MLLT6: variants seen among roughly 807,000 people sequenced by gnomAD.
The protein encoded by MLLT6 is MLLT6, PHD finger containing.
Under a neutral mutation model 103.0 loss-of-function variants are expected in MLLT6, and 22 were observed. That is an observed-to-expected ratio of 0.21 (90% confidence interval 0.15 to 0.31). The LOEUF is 0.31. MLLT6 is among the 10% of genes least tolerant of loss of function. MLLT6 has a pLI of 1.00. For missense variants in MLLT6, 1,199 were observed against 1,441.7 expected (o/e 0.83, Z 2.73); for synonymous variants, 606 against 623.5 (o/e 0.97, Z 0.42).
intron 1 of MLLT6, chr17:38,706,661 A>G (rs375363556): frequency 1.5e-4 from 48 of 324,920 alleles, no homozygotes; most frequent in African/African-American, 9.1e-4. Flanking sequence ...TGGTCCGAGG[A>G]AGAAGCTGGG....
chr17:38,712,020 A>G lies in MLLT6; in HGVS notation c.720+6A>G, dbSNP rs766513093. 6.4e-7 allele frequency: 1 copy of G among 1,550,898 alleles called. No individual in the cohort carries two copies. The highest frequency in any genetic ancestry group is 8.7e-7 in the Non-Finnish European group (1 of 1,147,676). On this transcript the variant is annotated splice_donor_region_variant and intron_variant, in intron 7 of 19. Transcript: ENST00000621332. The stretch of plus-strand genomic sequence containing the variant: ...ACGAGAGGGGCCAGAAGAAGGTAGA[A>G]GTCCTCCCCCACCTGCCATCACTCC...
chr17:38,720,445 G>A lies in MLLT6; in HGVS notation c.2229G>A (p.Leu743=). ...NQRLQEQILS[L]TAKKERLQIL... ...GGCTGCAAGAGCAGATCCTGAGCCT[G>A]ACGGCCAAAAAGGAGCGGCTGCAGA... The change falls in exon 15 of 20, where the codon CTG becomes CTA. Residue 743 remains leucine, a synonymous_variant. Transcript: ENST00000621332. 3 of 1,612,958 alleles carry A rather than the reference G, an allele frequency of 1.9e-6. No individual in the cohort carries two copies. The South Asian group carries it at 3.3e-5, about 18-fold the overall frequency.
At chr17:38,723,481 G>A (rs570842606) in intron 18 of MLLT6, among the ~76,000 whole-genome samples, 2 of 152,078 alleles carry the variant, frequency 1.3e-5, no homozygotes, top group Non-Finnish European at 2.9e-5. Context: ...GACAGAATGA[G>A]ACCCTGTCTC....
intron 7 of MLLT6, 79 bp downstream of exon 7, chr17:38,712,093 G>A: frequency 6.9e-7 from 1 of 1,447,540 alleles, no homozygotes; most frequent in Non-Finnish European, 9.1e-7. Context: ...AAGCCATCAT[G>A]AGGTGCCCTT....
At chr17:38,707,967 C>G (rs747794946) in intron 4 of MLLT6, 95 bp downstream of exon 4, 2 of 849,230 alleles carry the variant, frequency 2.4e-6, no homozygotes, top group Non-Finnish European at 1.9e-6. Context: ...TTCTGTCCAA[C>G]GAGCACTGAA....
chr17:38,715,885 T>C, intron 9 of MLLT6, 57 bp downstream of exon 9: 22 of 1,457,668 alleles, frequency 1.5e-5, no homozygotes, highest in Middle Eastern at 1.7e-4. Context: ...TGTCCTGAGC[T>C]TTTCTGGCAA....
chr17:38,707,443 G>A (rs1429457428), intron 2 of MLLT6, 43 bp from the exon 3 acceptor site: 1 of 1,607,378 alleles, frequency 6.2e-7, no homozygotes, highest in Non-Finnish European at 8.5e-7. Context: ...GGAGGGTCCA[G>A]CTCAGCAGAT....
rs781724709 is a variant in MLLT6 at position 38,717,942 on chromosome 17, G to A, written c.1931G>A (p.Ser644Asn). 2 of 1,607,946 alleles carry A rather than the reference G, an allele frequency of 1.2e-6. No homozygotes were observed. The highest frequency in any genetic ancestry group is 1.7e-5 in the Admixed American group (1 of 59,958). The part of the protein sequence containing the change: ...AVNPLLSQAE[S>N]SHTEPDLEDC... Reference sequence around the variant, plus strand: ...AATCCCCTCCTCTCCCAAGCTGAGAGCAGCCACACAGGTATGTGAATATCT... The same window carrying A: ...AATCCCCTCCTCTCCCAAGCTGAGAACAGCCACACAGGTATGTGAATATCT... The change falls in exon 12 of 20, where the codon AGC becomes AAC. Residue 644 changes from serine to asparagine, a missense_variant. Coordinates refer to ENST00000621332, the MANE Select transcript of MLLT6 (RefSeq NM_005937.4).
Position 38,716,672 on chromosome 17 carries a change from C to T in MLLT6, c.1342C>T (p.Leu448=). 1.2e-6 allele frequency: 2 copies of T among 1,613,290 alleles called. No homozygotes were observed. Among genetic ancestry groups the T allele is most frequent in the Non-Finnish European group, 1.7e-6 (2 of 1,179,808 alleles). The stretch of plus-strand genomic sequence containing the variant: ...AGGCACCCACAAACGGATGCCCGCA[C>T]TGAGTGCCACCCCTGTGCCTGCTGA... ...SAGTHKRMPA[L]SATPVPADET... The change falls in exon 10 of 20, where the codon CTG becomes TTG. Residue 448 remains leucine (L), a synonymous_variant. Coordinates refer to ENST00000621332, the MANE Select transcript of MLLT6 (RefSeq NM_005937.4). The surrounding 1 kb of genome is among the most constrained non-coding windows in gnomAD (Gnocchi z 5.6).
In MLLT6 at chr17:38,728,326, T is replaced by G. The variant is rs1386232788; in HGVS notation, c.*2728T>G. ...CTCACCGTCTCCTAACCTCAGTCCC[T>G]TTTTTGAGAGTGAATGGTGGAGGGT... is the stretch of plus-strand genomic sequence containing the variant. On this transcript the variant is annotated 3_prime_UTR_variant, in exon 20 of 20. Transcript: ENST00000621332. 1 of 233,202 alleles carries G rather than the reference T, an allele frequency of 4.3e-6. No homozygotes were observed. The highest frequency in any genetic ancestry group is 2.2e-5 in the African/African-American group (1 of 45,336). 14.4% of individuals were successfully genotyped at this position (233,202 alleles called of 1,614,324 possible).
intron 14 of MLLT6, 45 bp from the exon 15 acceptor site, chr17:38,720,327 C>T (rs773690492): frequency 1.1e-5 from 13 of 1,229,880 alleles, no homozygotes; most frequent in East Asian, 1.0e-4. Context: ...CTGGCCCCGC[C>T]TCCGCCCCCT....
At position 38,724,828 on chromosome 17, in the gene MLLT6, C is replaced by T. The variant is rs767262769; in HGVS notation, c.3092C>T (p.Ser1031Leu). The change falls in exon 19 of 20, where the codon TCG becomes TTG. Residue 1031 changes from serine to leucine, a missense_variant. By Grantham distance (145) the Ser-to-Leu change is moderately radical. Transcript: ENST00000621332. The surrounding 1 kb of genome is among the most constrained non-coding windows in gnomAD (Gnocchi z 5.4). ...LLPAGALVAP[S>L]LGNNTSLMAA... ...CCCGCTGGAGCCCTAGTGGCTCCCT[C>T]GCTTGGCAACAACACAAGTCTCATG... 10 of 1,595,102 alleles carry T rather than the reference C, an allele frequency of 6.3e-6. No individual in the cohort carries two copies. The Admixed American group carries it at 8.7e-5, about 14-fold the overall frequency.
Position 38,729,167 on chromosome 17 carries a change from G to A in MLLT6, c.*3569G>A. 1 of 233,336 alleles carries A rather than the reference G, an allele frequency of 4.3e-6. No homozygotes were observed. The highest frequency in any genetic ancestry group is 1.8e-4 in the South Asian group (1 of 5,526). 14.5% of individuals were successfully genotyped at this position (233,336 alleles called of 1,614,324 possible). ...ATGAAGACAGGTTTTCAAAGGCACA[G>A]GCTCCCCCTGCCAGCTTCTAGGATC... On this transcript the variant is annotated 3_prime_UTR_variant, in exon 20 of 20. Coordinates refer to ENST00000621332, the MANE Select transcript of MLLT6 (RefSeq NM_005937.4).
At chr17:38,721,520 CAG>C (rs955008439) in intron 16 of MLLT6, among the ~76,000 whole-genome samples, 4 of 152,188 alleles carry the variant, frequency 2.6e-5, no homozygotes, top group African/African-American at 9.7e-5. Flanking sequence ...CTTTTGCCTG[CAG>C]AGTTACTTAA....
rs771145625 is a variant in MLLT6, at chr17:38,712,773, T to G, written c.803T>G (p.Val268Gly). Reference sequence around the variant, plus strand: ...CCCAGCATCCTCACCCCGCCCGTGGTCCCCACTGCTGACAAGGTACTGCTG... The same window carrying G: ...CCCAGCATCCTCACCCCGCCCGTGGGCCCCACTGCTGACAAGGTACTGCTG... ...SPPSILTPPV[V>G]PTADKVSSSA... Residue 268 changes from valine (V) to glycine (G), a missense_variant, in exon 8 of 20, where the codon GTC (valine) becomes GGC (glycine). By Grantham distance (109) the Val-to-Gly change is moderately radical. Around this residue, in one of 7 missense-constraint regions of MLLT6, gnomAD observed 1,034 missense variants for 1,091.5 expected, o/e 0.95. Coordinates refer to ENST00000621332, the MANE Select transcript of MLLT6 (RefSeq NM_005937.4). 9 of 1,613,028 alleles carry G rather than the reference T, an allele frequency of 5.6e-6. No homozygotes were observed. Among genetic ancestry groups the G allele is most frequent in the Middle Eastern group, 3.3e-4 (2 of 6,058 alleles).
In MLLT6 at chr17:38,709,337, C is replaced by A; in HGVS notation, c.458+61C>A. 2 of 1,442,780 alleles carry A rather than the reference C, an allele frequency of 1.4e-6. No homozygotes were observed. The highest frequency in any genetic ancestry group is 2.0e-6 in the Non-Finnish European group (2 of 1,024,004). The allele number at this position is 1,442,780 out of a possible 1,614,324, so 89.4% of individuals were successfully genotyped here. A position where few individuals can be genotyped will look rare whatever the true frequency, so the allele number is the denominator to read the frequency against. ...TTGTCCTGGATGGCCACTGATCAGG[C>A]TCATCCTAGCTGCTGTCCCTTTGAT... On this transcript the variant is annotated intron_variant, in intron 5 of 19. Coordinates refer to ENST00000621332, the MANE Select transcript of MLLT6 (RefSeq NM_005937.4). The surrounding 1 kb of genome is among the most constrained non-coding windows in gnomAD (Gnocchi z 4.3).
At position 38,728,358 on chromosome 17, in the gene MLLT6, G is replaced by A. The variant is rs1389846078; in HGVS notation, c.*2760G>A. 8.6e-6 allele frequency: 2 copies of A among 233,270 alleles called. No homozygotes were observed. The highest frequency in any genetic ancestry group is 1.7e-5 in the Non-Finnish European group (2 of 118,106). The allele number at this position is 233,270 out of a possible 1,614,324, so 14.5% of individuals were successfully genotyped here. A position where few individuals can be genotyped will look rare whatever the true frequency, so the allele number is the denominator to read the frequency against. ...AGAGTGAATGGTGGAGGGTGGGAAG[G>A]GACCCAGATTTGTAGATCTCTTTGT... On this transcript the variant is annotated 3_prime_UTR_variant, in exon 20 of 20. Coordinates refer to ENST00000621332, the MANE Select transcript of MLLT6 (RefSeq NM_005937.4).
At chr17:38,705,773 C>A (rs748140052) in intron 1 of MLLT6, 32 bp downstream of exon 1, 43 of 1,181,114 alleles carry the variant, frequency 3.6e-5, no homozygotes, top group Admixed American at 2.0e-4. Context: ...GGCGGCGGGA[C>A]CCCGGGGGCG....
At position 38,724,630 on chromosome 17, in the gene MLLT6, C is replaced by G; in HGVS notation, c.2894C>G (p.Thr965Ser). The G allele has an allele frequency of 6.3e-7, 1 of 1,595,336 alleles. No individual in the cohort carries two copies. Among genetic ancestry groups the G allele is most frequent in the South Asian group, 1.1e-5 (1 of 89,478 alleles). ...CTGGCCCCCTTGCAGGAACACCAGA[C>G]TGTTGTCTACCAGATGATCCAGCAG... ...ASPQLTPEHQTVVYQMIQQIQ... is the reference protein window; with the variant it reads ...ASPQLTPEHQSVVYQMIQQIQ... The change falls in exon 19 of 20, where the codon ACT becomes AGT. Residue 965 changes from threonine (T) to serine (S), a missense_variant. By Grantham distance (58) the Thr-to-Ser change is moderately conservative (BLOSUM62 1). Transcript: ENST00000621332. The surrounding 1 kb of genome is among the most constrained non-coding windows in gnomAD (Gnocchi z 5.4).
Sources: allele counts gnomAD v4.1 joint callset (sites outside exome capture counted in the v4.1 genomes callset), GRCh38; gene constraint gnomAD v4.1.1; regional missense constraint gnomAD v4.1.1; non-coding constraint Gnocchi (gnomAD v3.1); transcripts MANE v1.5; gene names NCBI Gene and HGNC (gene_info 2026-07-23, HGNC 2026-07-21).